Variants in MAML1 observed in about 807,000 individuals in gnomAD.
MAML1 encodes the protein mastermind like transcriptional coactivator 1, also known as mastermind-like protein 1.
A neutral mutation model predicts 77.1 loss-of-function variants in MAML1; 14 were observed. The ratio of observed to expected loss-of-function variants is 0.18; its 90% CI spans 0.12 to 0.28. The LOEUF is 0.28. MAML1 is among the 10% of genes least tolerant of loss of function. The pLI is 1.00. For synonymous variants in MAML1, 516 were observed against 551.9 expected (o/e 0.93, Z 0.91); for missense variants, 1,217 against 1,327.8 (o/e 0.92, Z 1.30).
At chr5:179,756,377 A>G (rs1416885795) in intron 1 of MAML1, among the ~76,000 whole-genome samples, 1 of 150,384 alleles carries the variant, frequency 6.6e-6, no homozygotes, top group African/African-American at 2.4e-5. Context: ...GTTAGCTGAG[A>G]TCATGCCACT....
chr5:179,738,249 C>T (rs749901503), intron 1 of MAML1, among the ~76,000 whole-genome samples: 6 of 152,152 alleles, frequency 3.9e-5, no homozygotes, highest in Non-Finnish European at 7.3e-5. Flanking sequence ...TCTGAACCAC[C>T]TGAGAGTATG....
chr5:179,745,997 C>A, intron 1 of MAML1, among the ~76,000 whole-genome samples: 1 of 145,724 alleles, frequency 6.9e-6, no homozygotes, highest in East Asian at 2.1e-4. Flanking sequence ...TAGCGCCATT[C>A]CATTCCAGCC....
At chr5:179,738,220 C>T (rs1779210984) in intron 1 of MAML1, among the ~76,000 whole-genome samples, 1 of 152,144 alleles carries the variant, frequency 6.6e-6, no homozygotes, top group African/African-American at 2.4e-5. Context: ...CTCTTTCTCT[C>T]TCTCTCAGAC....
At chr5:179,763,104 A>G (rs746959777) in intron 1 of MAML1, among the ~76,000 whole-genome samples, 1 of 152,200 alleles carries the variant, frequency 6.6e-6, no homozygotes, top group African/African-American at 2.4e-5. Context: ...CCCTAGGAAG[A>G]TGGAAAACTG....
In MAML1 at chr5:179,775,154, A is replaced by T; in HGVS notation, c.*277A>T. 1 of 1,149,232 alleles carries T rather than the reference A, an allele frequency of 8.7e-7. No individual in the cohort carries two copies. 71.2% of individuals were successfully genotyped at this position (1,149,232 alleles called of 1,614,324 possible). ...GTTCTAAAGGTGGTTTTCTATCCAA[A>T]CGACCAAAAAACCAACAGTAACACC... On this transcript the variant is annotated 3_prime_UTR_variant, in exon 5 of 5. Coordinates refer to ENST00000292599, the MANE Select transcript of MAML1 (RefSeq NM_014757.5).
At position 179,768,962 on chromosome 5, in the gene MAML1, A is replaced by C; in HGVS notation, c.1844A>C (p.Gln615Pro). The change falls in exon 3 of 5, where the codon CAG (glutamine) becomes CCG (proline). Residue 615 changes from glutamine to proline, a missense_variant. Gln to Pro is a moderately conservative substitution (Grantham distance 76). Transcript: ENST00000292599. ...SHNSSPYLSS[Q>P]QQAAVMKQHQ... ...AACAGCTCCCCCTATCTCAGCAGCCAGCAACAGGCCGCTGTAATGAAGCAG... is the reference window on the plus strand; with the variant it reads ...AACAGCTCCCCCTATCTCAGCAGCCCGCAACAGGCCGCTGTAATGAAGCAG... 1.2e-6 allele frequency: 2 copies of C among 1,614,198 alleles called. No homozygotes were observed. Among genetic ancestry groups the C allele is most frequent in the Non-Finnish European group, 1.7e-6 (2 of 1,180,034 alleles).
At chr5:179,742,248 G>A (rs1779297271) in intron 1 of MAML1, among the ~76,000 whole-genome samples, 4 of 151,572 alleles carry the variant, frequency 2.6e-5, no homozygotes, top group African/African-American at 9.7e-5. Context: ...CAGCACTTTG[G>A]GAGGCCAAGG....
Position 179,776,656 on chromosome 5 carries a change from C to G in MAML1, c.*1779C>G. 2 of 985,750 alleles carry G rather than the reference C, an allele frequency of 2.0e-6. No individual in the cohort carries two copies. The highest frequency in any genetic ancestry group is 2.4e-6 in the Non-Finnish European group (2 of 829,974). The allele number at this position is 985,750 out of a possible 1,614,324, so 61.1% of individuals were successfully genotyped here. ...TTTTCTCCCAAAAATCGGCTGAAGG[C>G]TGGTTGTGGATCCTTGTTCCTCTCC... On this transcript the variant is annotated 3_prime_UTR_variant, in exon 5 of 5. Coordinates refer to ENST00000292599, the MANE Select transcript of MAML1 (RefSeq NM_014757.5).
chr5:179,770,741 C>T (rs1755969846), intron 3 of MAML1, among the ~76,000 whole-genome samples: 1 of 152,100 alleles, frequency 6.6e-6, no homozygotes, highest in African/African-American at 2.4e-5. Flanking sequence ...TTATGTTTAA[C>T]CTTTGGAGGA....
chr5:179,759,105 G>A (rs566399098), intron 1 of MAML1, among the ~76,000 whole-genome samples: 8 of 152,274 alleles, frequency 5.3e-5, no homozygotes, highest in Admixed American at 1.3e-4. Context: ...TGCGCTTCAC[G>A]AAGGTGCTCC....
chr5:179,755,368 TTGC>T (rs1779590694), intron 1 of MAML1, among the ~76,000 whole-genome samples: 1 of 152,162 alleles, frequency 6.6e-6, no homozygotes, highest in African/African-American at 2.4e-5. Flanking sequence ...TACCTGTAAT[TTGC>T]TGAGCATTAG....
intron 1 of MAML1, among the ~76,000 whole-genome samples, chr5:179,749,147 G>A (rs1213980838): frequency 1.3e-5 from 2 of 151,920 alleles, no homozygotes; most frequent in Non-Finnish European, 2.9e-5. Context: ...TGTTGTTTGA[G>A]ATGGAGTTTT....
chr5:179,748,608 A>T (rs1581929671), intron 1 of MAML1, among the ~76,000 whole-genome samples: 1 of 152,244 alleles, frequency 6.6e-6, no homozygotes, highest in East Asian at 1.9e-4. Context: ...GAGAGAAAAC[A>T]AGGTGGGAAG....
chr5:179,745,222 A>G (rs1779356136), intron 1 of MAML1, among the ~76,000 whole-genome samples: 1 of 151,992 alleles, frequency 6.6e-6, no homozygotes, highest in Non-Finnish European at 1.5e-5. Flanking sequence ...AAATTTTTAT[A>G]AGTAATTATT....
At chr5:179,773,573 G>T (rs773660125) in intron 4 of MAML1, among the ~76,000 whole-genome samples, 2 of 152,272 alleles carry the variant, frequency 1.3e-5, no homozygotes, top group Non-Finnish European at 2.9e-5. Flanking sequence ...CGGATCTTGC[G>T]TTGGGTCCAC....
intron 1 of MAML1, among the ~76,000 whole-genome samples, chr5:179,760,033 A>C (rs1233092290): frequency 9.9e-5 from 15 of 152,192 alleles, no homozygotes. Flanking sequence ...ATGTGGGAAC[A>C]GAGGAAAGGA....
At chr5:179,756,643 G>C (rs763813218) in intron 1 of MAML1, among the ~76,000 whole-genome samples, 17 of 152,084 alleles carry the variant, frequency 1.1e-4, no homozygotes, top group Non-Finnish European at 1.9e-4. Context: ...ACTTAAAATG[G>C]TGCAGATATG....
chr5:179,753,639 TTTATTA>T (rs1554150346), intron 1 of MAML1, among the ~76,000 whole-genome samples: 19 of 112,518 alleles, frequency 1.7e-4, no homozygotes, highest in Middle Eastern at 4.8e-3. Flanking sequence ...TTTGGGTTGT[TTTATTA>T]TTATTATTAT....
In MAML1 at chr5:179,775,199, G is replaced by T. The variant is rs1040733586; in HGVS notation, c.*322G>T. The T allele has an allele frequency of 9.4e-7, 1 of 1,063,460 alleles. No individual in the cohort carries two copies. The highest frequency in any genetic ancestry group is 1.7e-5 in the African/African-American group (1 of 60,160). 65.9% of individuals were successfully genotyped at this position (1,063,460 alleles called of 1,614,324 possible). The stretch of plus-strand genomic sequence containing the variant: ...AACACCAGTGAAACCCCACACTGTC[G>T]GGCTTATAAAAATCTGTGCCATCAT... On this transcript the variant is annotated 3_prime_UTR_variant, in exon 5 of 5. Coordinates refer to ENST00000292599, the MANE Select transcript of MAML1 (RefSeq NM_014757.5).
Sources: gnomAD v4.1 joint callset for allele counts (sites outside exome capture counted in the v4.1 genomes callset) on GRCh38, gnomAD v4.1.1 for gene constraint, MANE v1.5 for transcripts, NCBI Gene and HGNC (gene_info 2026-07-23, HGNC 2026-07-21) for gene names.